Variants in LRBA observed in about 807,000 individuals in gnomAD.
LRBA encodes the protein lipopolysaccharide-responsive and beige-like anchor protein.
In LRBA, 176 loss-of-function variants were observed where a neutral mutation model predicts 330.0. That is an observed-to-expected ratio of 0.53 (90% CI 0.47 to 0.60). The LOEUF (loss-of-function observed/expected upper bound fraction) is 0.60. LRBA is among the 20% of genes least tolerant of loss of function. The pLI is 0.00. For synonymous variants in LRBA, 1,230 were observed against 1,193.0 expected (o/e 1.03, Z -0.64); for missense variants, 3,259 against 3,444.8 (o/e 0.95, Z 1.35).
At chr4:151,003,529 C>T (rs1051209460) in intron 2 of LRBA, among the ~76,000 whole-genome samples, 9 of 151,966 alleles carry the variant, frequency 5.9e-5, no homozygotes, top group African/African-American at 2.2e-4. Flanking sequence ...TCACGTCTAT[C>T]ATAAAAGAAA....
intron 2 of LRBA, among the ~76,000 whole-genome samples, chr4:150,971,371 G>C (rs1037827636): frequency 2.0e-5 from 3 of 152,124 alleles, no homozygotes; most frequent in Admixed American, 6.5e-5. Context: ...TTAGCTATAA[G>C]GTCATCATGT....
At chr4:150,592,144 G>GTTTTTTTTTTTTTT (rs10685627) in intron 38 of LRBA, among the ~76,000 whole-genome samples, 829 of 65,188 alleles carry the variant, frequency 0.013, 135 homozygotes, top group East Asian at 0.042. Context: ...GATGGCTAGG[G>GTTTTTTTTTTTTTT]TTTTTTTTTT....
chr4:150,508,757 T>C (rs561989907), intron 40 of LRBA, among the ~76,000 whole-genome samples: 1 of 152,216 alleles, frequency 6.6e-6, no homozygotes, highest in African/African-American at 2.4e-5. Flanking sequence ...AAGAAACACA[T>C]GAACCCACAA....
At chr4:150,404,312 T>C (rs752245627) in intron 47 of LRBA, among the ~76,000 whole-genome samples, 2 of 152,150 alleles carry the variant, frequency 1.3e-5, no homozygotes, top group Non-Finnish European at 1.5e-5. Flanking sequence ...CAAGTAATAA[T>C]TGGGAAAGAA....
intron 22 of LRBA, among the ~76,000 whole-genome samples, chr4:150,853,504 A>C (rs1000120969): frequency 6.6e-6 from 1 of 152,194 alleles, no homozygotes; most frequent in African/African-American, 2.4e-5. Context: ...CCAAAGGTTA[A>C]CCATAATTTC....
chr4:150,717,855 C>G (rs1450136231), intron 36 of LRBA, among the ~76,000 whole-genome samples: 2 of 151,548 alleles, frequency 1.3e-5, no homozygotes, highest in East Asian at 3.9e-4. Context: ...AACATTGGCC[C>G]AAAGACCTTT....
chr4:150,623,024 C>T (rs888412970), intron 37 of LRBA, among the ~76,000 whole-genome samples: 3 of 152,112 alleles, frequency 2.0e-5, no homozygotes, highest in Non-Finnish European at 4.4e-5. Context: ...TTTCCTCTCT[C>T]CCCTTCCCTT....
intron 36 of LRBA, among the ~76,000 whole-genome samples, chr4:150,708,166 A>T (rs552287247): frequency 4.6e-5 from 1 of 21,886 alleles, no homozygotes; most frequent in South Asian, 2.0e-3. Context: ...ATTAGAAAGA[A>T]AACACTAAAA....
chr4:150,519,562 G>A (rs918575015), intron 40 of LRBA, among the ~76,000 whole-genome samples: 1 of 150,508 alleles, frequency 6.6e-6, no homozygotes, highest in Non-Finnish European at 1.5e-5. Context: ...TTTTATTACT[G>A]AGTAGTATTG....
intron 40 of LRBA, chr4:150,581,988 G>C (rs1402911532): frequency 6.8e-6 from 1 of 146,664 alleles, no homozygotes; most frequent in Admixed American, 6.8e-5. Context: ...AAAGAAGAGA[G>C]AGCGAGCACG....
intron 37 of LRBA, among the ~76,000 whole-genome samples, chr4:150,601,594 C>T (rs936438535): frequency 6.6e-6 from 1 of 152,072 alleles, no homozygotes; most frequent in Non-Finnish European, 1.5e-5. Context: ...CATCAGGGAA[C>T]TGAGAATTTG....
intron 35 of LRBA, among the ~76,000 whole-genome samples, chr4:150,751,147 T>G (rs1277376951): frequency 6.6e-6 from 1 of 152,078 alleles, no homozygotes; most frequent in Non-Finnish European, 1.5e-5. Context: ...TTTGAAATAT[T>G]TTTGCTGGAT....
chr4:150,960,028 C>T (rs1045482270), intron 2 of LRBA, among the ~76,000 whole-genome samples: 2 of 147,822 alleles, frequency 1.4e-5, no homozygotes, highest in African/African-American at 5.3e-5. Flanking sequence ...GCTGGGGCTA[C>T]CGGTGTGTAC....
At chr4:150,588,674 G>C (rs1772425668) in intron 39 of LRBA, among the ~76,000 whole-genome samples, 1 of 152,188 alleles carries the variant, frequency 6.6e-6, no homozygotes, top group African/African-American at 2.4e-5. Flanking sequence ...CATATTTTCT[G>C]ATAGAGATTT....
chr4:150,392,756 A>G (rs997320654), intron 47 of LRBA, among the ~76,000 whole-genome samples: 4 of 151,242 alleles, frequency 2.6e-5, no homozygotes, highest in African/African-American at 4.9e-5. Flanking sequence ...TAAATATACA[A>G]TTATGTCATC....
intron 9 of LRBA, among the ~76,000 whole-genome samples, chr4:150,913,885 C>T (rs886750274): frequency 3.9e-5 from 6 of 152,102 alleles, no homozygotes; most frequent in African/African-American, 9.7e-5. Flanking sequence ...TTTGTGGGTA[C>T]ATTTTAGGTG....
In LRBA at chr4:150,407,749, T is replaced by A. The variant is rs190946836; in HGVS notation, c.7194+7689A>T. Among the ~76,000 whole-genome samples the A allele has an allele frequency of 3.3e-4, 50 of 151,982 alleles. No individual in the cohort carries two copies. The East Asian group carries it at 9.7e-3, about 29-fold the overall frequency. On this transcript the variant is annotated intron_variant, in intron 47 of 56. Coordinates refer to ENST00000651943, the MANE Select transcript of LRBA (RefSeq NM_001364905.1). The stretch of plus-strand genomic sequence containing the variant: ...ATTTGGAAAATACACATTTGGAAAA[T>A]ACAGAAGGGGATTTTGGAAAATATT...
intron 9 of LRBA, among the ~76,000 whole-genome samples, chr4:150,910,241 C>G (rs563309989): frequency 6.6e-6 from 1 of 152,142 alleles, no homozygotes; most frequent in South Asian, 2.1e-4. Flanking sequence ...AATTCAATGT[C>G]GTAAAGCTTT....
rs1450691613 is a variant in LRBA, at chr4:150,977,944, A to T, written c.216+36483T>A. ...CCTGGATGGCCTCTCTAGACCTGCC[A>T]AGGGCCTCAGGAAACACGCTACCCT... On this transcript the variant is annotated intron_variant, in intron 2 of 56. Transcript: ENST00000651943. Among the ~76,000 whole-genome samples, 4 of 152,262 alleles carry T rather than the reference A, an allele frequency of 2.6e-5. 1 individual carries two copies. Among genetic ancestry groups the T allele is most frequent in the Admixed American group, 2.6e-4 (4 of 15,286 alleles).
Sources: allele counts gnomAD v4.1 joint callset (sites outside exome capture counted in the v4.1 genomes callset), GRCh38; gene constraint gnomAD v4.1.1; transcripts MANE v1.5; gene names NCBI Gene and HGNC (gene_info 2026-07-23, HGNC 2026-07-21).